The following POLR3B variants were observed in gnomAD, a reference collection of about 807,000 sequenced individuals.
POLR3B encodes the protein RNA polymerase III subunit B, also known as DNA-directed RNA polymerase III subunit RPC2.
Under a neutral mutation model 147.4 loss-of-function variants are expected in POLR3B, and 96 were observed. The observed-to-expected ratio is 0.65, with a 90% CI of 0.55 to 0.77. The LOEUF (loss-of-function observed/expected upper bound fraction) is 0.77. Among genes scored for constraint, POLR3B ranks in the 30% least tolerant of loss-of-function variants. The pLI, the probability that POLR3B is intolerant of heterozygous loss-of-function variation, is 0.00. For missense variants in POLR3B, 1,036 were observed against 1,413.5 expected, an observed-to-expected ratio of 0.73 and a Z score of 4.28; for synonymous variants, 461 against 485.9, an observed-to-expected ratio of 0.95 and a Z score of 0.67.
chr12:106,400,683 G>T (rs565692752), intron 10 of POLR3B, among the ~76,000 whole-genome samples: 2 of 152,098 alleles, frequency 1.3e-5, no homozygotes, highest in South Asian at 2.1e-4. Flanking sequence ...ACTCAAAACC[G>T]CTCAACTACA....
At chr12:106,467,079 C>T (rs1205236459) in intron 23 of POLR3B, among the ~76,000 whole-genome samples, 1 of 152,108 alleles carries the variant, frequency 6.6e-6, no homozygotes, top group African/African-American at 2.4e-5. Flanking sequence ...TCTTCTTATC[C>T]ATGAGCATGG....
intron 12 of POLR3B, among the ~76,000 whole-genome samples, chr12:106,419,071 C>T (rs573564793): frequency 2.0e-5 from 3 of 152,242 alleles, no homozygotes; most frequent in South Asian, 2.1e-4. Context: ...TAAGGGCATT[C>T]GATTCTGTTC....
intron 27 of POLR3B, among the ~76,000 whole-genome samples, chr12:106,509,178 A>C (rs1425471055): frequency 6.6e-6 from 1 of 152,140 alleles, no homozygotes; most frequent in African/African-American, 2.4e-5. Context: ...AACTGACTCA[A>C]CTTGCATGCT....
chr12:106,476,844 G>A (rs1374738119), intron 23 of POLR3B, among the ~76,000 whole-genome samples: 2 of 151,918 alleles, frequency 1.3e-5, no homozygotes, highest in Non-Finnish European at 2.9e-5. Context: ...TAATTTGATC[G>A]TCTGAAGACT....
At chr12:106,380,958 A>C (rs1305368963) in intron 9 of POLR3B, among the ~76,000 whole-genome samples, 1 of 152,242 alleles carries the variant, frequency 6.6e-6, no homozygotes, top group South Asian at 2.1e-4. Context: ...TGCATACAAA[A>C]GTTATATGTA....
At chr12:106,461,948 AT>A (rs1299075594) in intron 22 of POLR3B, among the ~76,000 whole-genome samples, 2 of 152,128 alleles carry the variant, frequency 1.3e-5, no homozygotes, top group Admixed American at 1.3e-4. Context: ...TCAGCTTCAT[AT>A]CAGCACTTGG....
intron 10 of POLR3B, among the ~76,000 whole-genome samples, chr12:106,400,126 G>A (rs904574755): frequency 6.6e-6 from 1 of 152,138 alleles, no homozygotes; most frequent in South Asian, 2.1e-4. Context: ...TCAAAATAAA[G>A]GGATGGAGGA....
chr12:106,457,309 TA>T lies in POLR3B; in HGVS notation c.2452+17del, dbSNP rs1235905566. The T allele has an allele frequency of 1.2e-6, 2 of 1,606,160 alleles. No individual in the cohort carries two copies. Among genetic ancestry groups the T allele is most frequent in the Non-Finnish European group, 1.7e-6 (2 of 1,173,112 alleles). On this transcript the variant is annotated intron_variant, in intron 21 of 27. Coordinates refer to ENST00000228347, the MANE Select transcript of POLR3B (RefSeq NM_018082.6). ...ATTTGTTCTCCAGGTAAAAGCCTTTTAAAAGAAAAAATTTTAATACTTTTTG... is the reference window on the plus strand; with the variant it reads ...ATTTGTTCTCCAGGTAAAAGCCTTTTAAAGAAAAAATTTTAATACTTTTTG...
chr12:106,433,169 G>A (rs112700512), intron 15 of POLR3B, among the ~76,000 whole-genome samples: 1 of 152,206 alleles, frequency 6.6e-6, no homozygotes, highest in African/African-American at 2.4e-5. Flanking sequence ...CAGCAGGGCT[G>A]TTAACTGACT....
intron 6 of POLR3B, among the ~76,000 whole-genome samples, chr12:106,370,176 A>C (rs1335121042): frequency 1.3e-5 from 2 of 152,200 alleles, no homozygotes; most frequent in Non-Finnish European, 2.9e-5. Context: ...CAAAACCCAC[A>C]ATATTGTGTG....
chr12:106,476,963 G>A (rs1368635467), intron 23 of POLR3B, among the ~76,000 whole-genome samples: 2 of 151,300 alleles, frequency 1.3e-5, no homozygotes, highest in Admixed American at 1.3e-4. Flanking sequence ...AGAGTTTCCA[G>A]TTTTTCTGTT....
intron 15 of POLR3B, 37 bp from the exon 16 acceptor site, chr12:106,433,682 T>C: frequency 6.3e-7 from 1 of 1,583,506 alleles, no homozygotes; most frequent in East Asian, 2.2e-5. Context: ...GCATTTATTT[T>C]TTATTTCTGT....
intron 12 of POLR3B, among the ~76,000 whole-genome samples, chr12:106,419,984 A>C (rs991832393): frequency 6.6e-6 from 1 of 151,842 alleles, no homozygotes; most frequent in Non-Finnish European, 1.5e-5. Flanking sequence ...CATGGTGTTG[A>C]TGGAGGTTGG....
At chr12:106,376,177 C>T (rs918867323) in intron 6 of POLR3B, among the ~76,000 whole-genome samples, 182 bp from the exon 7 acceptor site, 5 of 152,152 alleles carry the variant, frequency 3.3e-5, no homozygotes, top group African/African-American at 1.2e-4. Context: ...AGACGAGCAG[C>T]GTGCCTGAGA....
rs2136887285 is a variant in POLR3B, at chr12:106,369,664, A to G, written c.385A>G (p.Asn129Asp). The change falls in exon 6 of 28, where the codon AAT becomes GAT. Residue 129 changes from asparagine (N) to aspartate (D), a missense_variant. Physicochemically the swap from Asn to Asp is conservative, Grantham distance 23. This residue lies in a region of POLR3B where 217 missense variants were observed against 288.7 expected (regional missense o/e 0.75). Transcript: ENST00000228347. ...YTRGSQRIIR[N>D]ALPIGRMPIM... ...CCGAGGCAGCCAGAGGATCATCCGC[A>G]ATGCCTTACCTATCGGCAGGTGAGA... is the stretch of plus-strand genomic sequence containing the variant. 1 of 1,609,126 alleles carries G rather than the reference A, an allele frequency of 6.2e-7. No homozygotes were observed. The highest frequency in any genetic ancestry group is 1.1e-5 in the South Asian group (1 of 90,994).
intron 27 of POLR3B, among the ~76,000 whole-genome samples, chr12:106,507,215 A>G (rs1312240242): frequency 6.6e-6 from 1 of 152,070 alleles, no homozygotes; most frequent in Non-Finnish European, 1.5e-5. Context: ...CCTTTTTGCT[A>G]CCTTTGCCCT....
At chr12:106,453,026 C>CTTTTTTTT (rs770997629) in intron 19 of POLR3B, among the ~76,000 whole-genome samples, 1 of 135,960 alleles carries the variant, frequency 7.4e-6, no homozygotes, top group South Asian at 2.3e-4. Flanking sequence ...TTCTTTTCTT[C>CTTTTTTTT]TTTTTTTTTT....
intron 20 of POLR3B, among the ~76,000 whole-genome samples, chr12:106,455,075 C>T (rs938300956): frequency 1.3e-5 from 2 of 152,044 alleles, no homozygotes; most frequent in Non-Finnish European, 2.9e-5. Context: ...AACAACAAAC[C>T]TGTTTGAGAG....
chr12:106,490,377 C>G (rs2038391711), intron 23 of POLR3B, among the ~76,000 whole-genome samples: 1 of 152,224 alleles, frequency 6.6e-6, no homozygotes, highest in Admixed American at 6.5e-5. Context: ...AAATTTATCA[C>G]ATCAAACCAT....
Sources: gnomAD v4.1 joint callset for allele counts (sites outside exome capture counted in the v4.1 genomes callset) on GRCh38, gnomAD v4.1.1 for gene constraint, gnomAD v4.1.1 regional missense constraint, MANE v1.5 for transcripts, NCBI Gene and HGNC (gene_info 2026-07-23, HGNC 2026-07-21) for gene names.